SRGAP1: variants seen among roughly 807,000 people sequenced by gnomAD.
SRGAP1 encodes the protein SLIT-ROBO Rho GTPase activating protein 1, also known as SLIT-ROBO Rho GTPase-activating protein 1.
A neutral mutation model predicts 121.9 loss-of-function variants in SRGAP1; 43 were observed. The observed-to-expected ratio is 0.35, with a 90% CI of 0.28 to 0.46. The LOEUF (loss-of-function observed/expected upper bound fraction) is 0.46, where lower values mean the gene tolerates loss of function less well. SRGAP1 is among the 20% of genes least tolerant of loss of function. The pLI is 1.00. For synonymous variants in SRGAP1, 447 were observed against 485.4 expected (o/e 0.92, Z 1.04); for missense variants, 1,102 against 1,350.9 (o/e 0.82, Z 2.89).
At chr12:64,029,880 C>T (rs1266604257) in intron 4 of SRGAP1, among the ~76,000 whole-genome samples, 1 of 151,846 alleles carries the variant, frequency 6.6e-6, no homozygotes, top group Non-Finnish European at 1.5e-5. Flanking sequence ...TGCACTCCAT[C>T]CTGGGCAATA....
intron 4 of SRGAP1, among the ~76,000 whole-genome samples, chr12:64,032,043 T>C (rs1280003100): frequency 6.6e-6 from 1 of 152,240 alleles, no homozygotes; most frequent in African/African-American, 2.4e-5. Flanking sequence ...TTGCAGGACT[T>C]TTCCTTAGTT....
At chr12:63,990,486 C>T (rs893803597) in intron 3 of SRGAP1, among the ~76,000 whole-genome samples, 1 of 152,060 alleles carries the variant, frequency 6.6e-6, no homozygotes, top group African/African-American at 2.4e-5. Flanking sequence ...GAGCCAAGAT[C>T]GTGCCACTGC....
intron 2 of SRGAP1, among the ~76,000 whole-genome samples, chr12:63,984,945 G>A (rs1474077205): frequency 2.6e-5 from 4 of 151,802 alleles, no homozygotes; most frequent in Non-Finnish European, 1.5e-5. Context: ...GAACCTGGGC[G>A]GCGGAGGTTG....
intron 3 of SRGAP1, among the ~76,000 whole-genome samples, chr12:64,015,026 A>G (rs1040463707): frequency 3.3e-5 from 5 of 152,092 alleles, no homozygotes; most frequent in Admixed American, 1.3e-4. Context: ...CATGTTGTCC[A>G]TACTGGTCTT....
intron 1 of SRGAP1, among the ~76,000 whole-genome samples, chr12:63,977,162 C>T (rs931908724): frequency 6.6e-6 from 1 of 152,124 alleles, no homozygotes; most frequent in Non-Finnish European, 1.5e-5. Flanking sequence ...TAAATATTCA[C>T]ATGAGCTGTG....
At chr12:63,954,203 A>G (rs909142404) in intron 1 of SRGAP1, among the ~76,000 whole-genome samples, 2 of 152,234 alleles carry the variant, frequency 1.3e-5, no homozygotes, top group Non-Finnish European at 2.9e-5. Flanking sequence ...TTGTAGTTTT[A>G]TATAACTCTA....
At chr12:63,942,782 G>T (rs543253101) in intron 1 of SRGAP1, among the ~76,000 whole-genome samples, 1 of 152,150 alleles carries the variant, frequency 6.6e-6, no homozygotes, top group African/African-American at 2.4e-5. Flanking sequence ...CCGTCTCCCA[G>T]CGCAGACGCT....
chr12:63,871,161 A>G (rs1442957749), intron 1 of SRGAP1, among the ~76,000 whole-genome samples: 6 of 152,168 alleles, frequency 3.9e-5, no homozygotes, highest in Non-Finnish European at 1.5e-5. Flanking sequence ...GCCAATTTAA[A>G]TGCTAATTTT....
chr12:63,978,986 A>G (rs1482855477), intron 1 of SRGAP1, among the ~76,000 whole-genome samples: 2 of 145,218 alleles, frequency 1.4e-5, no homozygotes, highest in East Asian at 2.0e-4. Flanking sequence ...GCTACTGGCC[A>G]TTTGCCATTT....
In SRGAP1 at chr12:64,106,801, C is replaced by A. The variant is rs185025212; in HGVS notation, c.1814-2131C>A. Among the ~76,000 whole-genome samples the A allele has an allele frequency of 2.0e-3, 298 of 152,224 alleles. 2 individuals carry two copies. The highest frequency in any genetic ancestry group is 6.8e-3 in the Middle Eastern group (2 of 294). ...TAACAAAGTGCTTGTATGCAATAGA[C>A]GTAACCCTAATCTGCCTTGTTCATA... On this transcript the variant is annotated intron_variant, in intron 15 of 21. Coordinates refer to ENST00000355086, the MANE Select transcript of SRGAP1 (RefSeq NM_020762.4).
intron 1 of SRGAP1, among the ~76,000 whole-genome samples, chr12:63,965,945 A>G (rs922033162): frequency 6.6e-6 from 1 of 152,138 alleles, no homozygotes; most frequent in Admixed American, 6.6e-5. Flanking sequence ...CAGCCTCCCA[A>G]GTAGCTGGGA....
At chr12:63,949,230 A>G (rs1336348158) in intron 1 of SRGAP1, among the ~76,000 whole-genome samples, 1 of 142,524 alleles carries the variant, frequency 7.0e-6, no homozygotes, top group African/African-American at 2.5e-5. Flanking sequence ...ATATATATAT[A>G]CCAAATAAGA....
At chr12:63,863,907 GA>G (rs1320307835) in intron 1 of SRGAP1, among the ~76,000 whole-genome samples, 1 of 152,156 alleles carries the variant, frequency 6.6e-6, no homozygotes, top group Non-Finnish European at 1.5e-5. Context: ...GCGAGGTACA[GA>G]AACAGGTGGA....
chr12:64,132,498 G>A (rs1001859085), intron 21 of SRGAP1, among the ~76,000 whole-genome samples: 3 of 152,168 alleles, frequency 2.0e-5, no homozygotes, highest in Non-Finnish European at 2.9e-5. Flanking sequence ...ATCCAAATAG[G>A]CCCACTAGGC....
chr12:64,052,854 G>C (rs2035263126), intron 6 of SRGAP1, among the ~76,000 whole-genome samples: 1 of 152,016 alleles, frequency 6.6e-6, no homozygotes, highest in African/African-American at 2.4e-5. Context: ...ATAATTTCTA[G>C]TTTTGAGGGT....
chr12:64,062,470 T>A (rs908491436), intron 6 of SRGAP1, among the ~76,000 whole-genome samples: 6 of 152,290 alleles, frequency 3.9e-5, no homozygotes, highest in Non-Finnish European at 8.8e-5. Context: ...TGCAAAAATA[T>A]CTTCCCATTC....
At chr12:63,937,869 G>A (rs1420813910) in intron 1 of SRGAP1, among the ~76,000 whole-genome samples, 2 of 152,160 alleles carry the variant, frequency 1.3e-5, no homozygotes, top group Non-Finnish European at 2.9e-5. Context: ...TCCTGGTATT[G>A]CGTGCCCCTT....
At position 64,149,612 on chromosome 12, in the gene SRGAP1, T is replaced by C. The variant is rs1344673708; in HGVS notation, c.*6940T>C. 9 of 152,092 alleles carry C rather than the reference T, an allele frequency of 5.9e-5. No homozygotes were observed. Among genetic ancestry groups the C allele is most frequent in the Admixed American group, 5.9e-4 (9 of 15,268 alleles). 9.4% of individuals were successfully genotyped at this position (152,092 alleles called of 1,614,324 possible). ...CTCCCGAACCAGAGTCCCAACGGGG[T>C]GTAACTGGTCGTCAGTTCCCACAGT... On this transcript the variant is annotated 3_prime_UTR_variant, in exon 22 of 22. Transcript: ENST00000355086.
chr12:64,004,783 A>G (rs2034027220), intron 3 of SRGAP1, among the ~76,000 whole-genome samples: 1 of 152,188 alleles, frequency 6.6e-6, no homozygotes, highest in African/African-American at 2.4e-5. Flanking sequence ...GAACATTCCT[A>G]CCATATGTTG....
Sources: gnomAD v4.1 joint callset for allele counts (sites outside exome capture counted in the v4.1 genomes callset) on GRCh38, gnomAD v4.1.1 for gene constraint, MANE v1.5 for transcripts, NCBI Gene and HGNC (gene_info 2026-07-23, HGNC 2026-07-21) for gene names.